NR2C1: variants seen among roughly 807,000 people sequenced by gnomAD.
The protein encoded by NR2C1 is nuclear receptor subfamily 2 group C member 1.
A neutral mutation model predicts 74.8 loss-of-function variants in NR2C1; 33 were observed. That is an observed-to-expected ratio of 0.44 (90% CI 0.33 to 0.59). The LOEUF is 0.59. Among genes scored for constraint, NR2C1 ranks in the 20% least tolerant of loss-of-function variants. NR2C1 has a pLI of 0.02. For missense variants in NR2C1, 568 were observed against 715.6 expected (o/e 0.79, Z 2.35); for synonymous variants, 225 against 240.6 (o/e 0.94, Z 0.60).
chr12:95,022,150 C>A lies in NR2C1; in HGVS notation c.*79G>T. On this transcript the variant is annotated 3_prime_UTR_variant, in exon 14 of 14. Coordinates refer to ENST00000333003, the MANE Select transcript of NR2C1 (RefSeq NM_003297.4). ...TTTTAAAGTAAAAATTTCCAGATGC[C>A]TCAAAAGCAGTGAGTTCAATTTGGT... 8.3e-7 allele frequency: 1 copy of A among 1,197,682 alleles called. No individual in the cohort carries two copies. The highest frequency in any genetic ancestry group is 2.9e-5 in the Admixed American group (1 of 34,634). 74.2% of individuals were successfully genotyped at this position (1,197,682 alleles called of 1,614,324 possible).
chr12:95,028,198 T>C, intron 12 of NR2C1, 189 bp downstream of exon 12: 2 of 526,496 alleles, frequency 3.8e-6, no homozygotes, highest in South Asian at 5.2e-5. Flanking sequence ...ATTTTTCATT[T>C]CTCTTGGGCT....
At chr12:95,062,426 C>G (rs1874915224) in intron 3 of NR2C1, 82 bp downstream of exon 3, 2 of 895,230 alleles carry the variant, frequency 2.2e-6, no homozygotes, top group Non-Finnish European at 3.4e-6. Flanking sequence ...ATACATAGAT[C>G]TAAAGTCTTC....
intron 3 of NR2C1, among the ~76,000 whole-genome samples, chr12:95,060,655 A>AAAAAC (rs987973783): frequency 5.8e-4 from 88 of 152,342 alleles, no homozygotes; most frequent in African/African-American, 1.9e-3. Context: ...ACTCCATCTC[A>AAAAAC]AAAACAAAAC....
chr12:95,057,046 T>C (rs1442270512), intron 7 of NR2C1, among the ~76,000 whole-genome samples: 1 of 151,968 alleles, frequency 6.6e-6, no homozygotes, highest in Non-Finnish European at 1.5e-5. Flanking sequence ...TACGTGTTTG[T>C]TGCTTTCATG....
intron 2 of NR2C1, 67 bp downstream of exon 2, chr12:95,067,264 G>T: frequency 8.4e-7 from 1 of 1,192,602 alleles, no homozygotes; most frequent in Non-Finnish European, 1.3e-6. Flanking sequence ...CCAGAACCTG[G>T]TATATGCATT....
Position 95,061,985 on chromosome 12 carries a change from G to A in NR2C1, c.285+523C>T, listed in dbSNP as rs531384097. Among the ~76,000 whole-genome samples the A allele has an allele frequency of 4.6e-5, 7 of 152,358 alleles. No individual in the cohort carries two copies. In the South Asian group the frequency reaches 1.2e-3, roughly 27 times the overall value. Reference sequence around the variant, plus strand: ...CTTGCTATTTCATGAAGATGTGCATGACAACAAAGGAGGCACAATGTTGAA... The same window carrying A: ...CTTGCTATTTCATGAAGATGTGCATAACAACAAAGGAGGCACAATGTTGAA... On this transcript the variant is annotated intron_variant, in intron 3 of 13. Transcript: ENST00000333003.
intron 11 of NR2C1, chr12:95,030,426 G>A (rs931306701): frequency 7.6e-7 from 1 of 1,319,460 alleles, no homozygotes; most frequent in Non-Finnish European, 9.7e-7. Context: ...TTACAATAAA[G>A]ATTTTAATTT....
chr12:95,040,529 C>T lies in NR2C1; in HGVS notation c.1200G>A (p.Leu400=), dbSNP rs147444054. The part of the protein sequence containing the change: ...VHYIGESASR[L]LFLSMHWALS... ...GTGCCCAGTGCATTGATAAGAACAGCAGTCTGGAGGCAGACTCCCCAATGT... is the reference window on the plus strand; with the variant it reads ...GTGCCCAGTGCATTGATAAGAACAGTAGTCTGGAGGCAGACTCCCCAATGT... Residue 400 remains leucine (L), a synonymous_variant, in exon 10 of 14, where the codon CTG becomes CTA. Transcript: ENST00000333003. The T allele has an allele frequency of 2.5e-6, 4 of 1,613,720 alleles. No individual in the cohort carries two copies. The highest frequency in any genetic ancestry group is 3.4e-6 in the Non-Finnish European group (4 of 1,179,804).
intron 7 of NR2C1, among the ~76,000 whole-genome samples, chr12:95,052,699 C>T (rs1873202926): frequency 6.6e-6 from 1 of 151,886 alleles, no homozygotes; most frequent in Non-Finnish European, 1.5e-5. Flanking sequence ...GTGATCCTCC[C>T]TGCCTCAGCC....
At chr12:95,028,545 A>ACACTAGAAGCATT in intron 11 of NR2C1, 21 bp from the exon 12 acceptor site, 4 of 1,418,704 alleles carry the variant, frequency 2.8e-6, no homozygotes, top group Non-Finnish European at 3.9e-6. Context: ...AAATAAACAA[A>ACACTAGAAGCATT]TGCTTCTAGT....
intron 9 of NR2C1, among the ~76,000 whole-genome samples, chr12:95,043,806 ACT>A (rs1209196938): frequency 6.6e-6 from 1 of 152,194 alleles, no homozygotes; most frequent in Admixed American, 6.5e-5. Context: ...AGTGGTGGTA[ACT>A]CTGAAAACTT....
chr12:95,049,679 A>G (rs1345356470), intron 8 of NR2C1, among the ~76,000 whole-genome samples: 2 of 152,142 alleles, frequency 1.3e-5, no homozygotes, highest in African/African-American at 4.8e-5. Flanking sequence ...CTACAAGACT[A>G]TCAGCCTATT....
At chr12:95,030,757 C>G (rs1037978634) in intron 11 of NR2C1, 15 of 1,608,992 alleles carry the variant, frequency 9.3e-6, no homozygotes, top group Middle Eastern at 3.3e-4. Flanking sequence ...GGCAATTTTC[C>G]CCATTTGTTG....
intron 10 of NR2C1, among the ~76,000 whole-genome samples, chr12:95,035,565 A>G (rs1400057590): frequency 1.3e-5 from 2 of 152,196 alleles, no homozygotes; most frequent in African/African-American, 2.4e-5. Context: ...AGTGCAAAGG[A>G]TAAGAATACC....
chr12:95,040,521 A>G lies in NR2C1; in HGVS notation c.1208T>C (p.Leu403Ser). The G allele has an allele frequency of 1.2e-6, 2 of 1,614,000 alleles. No individual in the cohort carries two copies. The highest frequency in any genetic ancestry group is 1.7e-6 in the Non-Finnish European group (2 of 1,179,900). ...IGESASRLLF[L>S]SMHWALSIPS... is the part of the protein sequence containing the mutation. ...AATCGAAAGTGCCCAGTGCATTGAT[A>G]AGAACAGCAGTCTGGAGGCAGACTC... The change falls in exon 10 of 14, where the codon TTA (leucine) becomes TCA (serine). Residue 403 changes from leucine (L) to serine (S), a missense_variant. Leu to Ser is a moderately radical substitution (Grantham distance 145, BLOSUM62 -2). Transcript: ENST00000333003.
intron 3 of NR2C1, among the ~76,000 whole-genome samples, chr12:95,062,178 G>C (rs188958003): frequency 2.0e-3 from 308 of 152,256 alleles, no homozygotes; most frequent in African/African-American, 7.0e-3. Context: ...TCCAATAGTC[G>C]ATCTTGAAAA....
Position 95,067,373 on chromosome 12 carries a change from T to C in NR2C1, c.12A>G (p.Ile4Met), listed in dbSNP as rs141825666. ...CAATAATTTGATGTGCAATTTCTTCTATGGTTGCCATGATCTACCTGCCAA... is the reference window on the plus strand; with the variant it reads ...CAATAATTTGATGTGCAATTTCTTCCATGGTTGCCATGATCTACCTGCCAA... MATIEEIAHQIIEQ... is the reference protein window; with the variant it reads MATMEEIAHQIIEQ... The change falls in exon 2 of 14, where the codon ATA becomes ATG. Residue 4 changes from isoleucine (I) to methionine (M), a missense_variant. Ile to Met is a conservative substitution (Grantham distance 10). Transcript: ENST00000333003. 605 of 1,613,510 alleles carry C rather than the reference T, an allele frequency of 3.7e-4. No homozygotes were observed. Among genetic ancestry groups the C allele is most frequent in the Non-Finnish European group, 4.8e-4 (570 of 1,179,466 alleles).
intron 9 of NR2C1, among the ~76,000 whole-genome samples, chr12:95,046,411 T>A (rs560348873): frequency 6.6e-6 from 1 of 152,040 alleles, no homozygotes; most frequent in East Asian, 1.9e-4. Context: ...CAAAGTGAGA[T>A]CCCATCTCTA....
rs111722855 is a variant in NR2C1 at position 95,060,474 on chromosome 12, T to C, written c.286-490A>G. Among the ~76,000 whole-genome samples the C allele has an allele frequency of 4.4e-3, 662 of 152,166 alleles. 6 individuals carry two copies. Among genetic ancestry groups the C allele is most frequent in the African/African-American group, 0.015 (625 of 41,534 alleles). On this transcript the variant is annotated intron_variant, in intron 3 of 13. Coordinates refer to ENST00000333003, the MANE Select transcript of NR2C1 (RefSeq NM_003297.4). ...TTCAAGACCAGCCTGGCCTACGTGG[T>C]GAAACCCTGTCTGTACTAAAAATAC...
Sources: gnomAD v4.1 joint callset for allele counts (sites outside exome capture counted in the v4.1 genomes callset) on GRCh38, gnomAD v4.1.1 for gene constraint, MANE v1.5 for transcripts, NCBI Gene and HGNC (gene_info 2026-07-23, HGNC 2026-07-21) for gene names.